The following GRM1 variants were observed in gnomAD, a reference collection of about 807,000 sequenced individuals.
The protein encoded by GRM1 is metabotropic glutamate receptor 1.
In GRM1, 33 loss-of-function variants were observed where a neutral mutation model predicts 90.9. The ratio of observed to expected loss-of-function variants is 0.36; its 90% CI spans 0.28 to 0.49. The LOEUF (loss-of-function observed/expected upper bound fraction) is 0.49, where lower values mean the gene tolerates loss of function less well. GRM1 is among the 20% of genes least tolerant of loss of function. The probability of loss-of-function intolerance (pLI) is 0.99; values close to 1 mark genes in which losing one functional copy is unlikely to be tolerated. For missense variants in GRM1, 1,190 were observed against 1,534.3 expected (o/e 0.78, Z 3.75); for synonymous variants, 700 against 613.2 (o/e 1.14, Z -2.09).
chr6:146,234,845 C>T (rs1486322021), intron 2 of GRM1, among the ~76,000 whole-genome samples: 1 of 152,124 alleles, frequency 6.6e-6, no homozygotes, highest in Non-Finnish European at 1.5e-5. Flanking sequence ...CAGGCTCAAG[C>T]AATTCTCATG....
At chr6:146,091,766 G>T (rs1217935358) in intron 1 of GRM1, among the ~76,000 whole-genome samples, 1 of 152,058 alleles carries the variant, frequency 6.6e-6, no homozygotes, top group South Asian at 2.1e-4. Flanking sequence ...TCTATCTGAA[G>T]AATTGTGAAA....
intron 1 of GRM1, among the ~76,000 whole-genome samples, chr6:146,141,586 G>A (rs191187207): frequency 1.3e-5 from 2 of 151,846 alleles, no homozygotes; most frequent in East Asian, 3.9e-4. Context: ...TTATTTGTTT[G>A]TCTCCTCTGA....
intron 4 of GRM1, among the ~76,000 whole-genome samples, chr6:146,355,140 T>C (rs917715314): frequency 6.6e-6 from 1 of 152,166 alleles, no homozygotes; most frequent in Non-Finnish European, 1.5e-5. Flanking sequence ...TAATGTAATC[T>C]GAAATAAAAC....
chr6:146,376,857 G>A (rs1304042996), intron 5 of GRM1, among the ~76,000 whole-genome samples: 1 of 152,106 alleles, frequency 6.6e-6, no homozygotes, highest in Non-Finnish European at 1.5e-5. Context: ...CATGTCATGG[G>A]AGGGACCAAG....
rs150435438 is a variant in GRM1 at position 146,363,745 on chromosome 6, T to C, written c.1602+6051T>C. On this transcript the variant is annotated intron_variant, in intron 5 of 7. Transcript: ENST00000282753. ...TCCTCAAGGAGAAAAACAACTTTAA[T>C]AATGTGATAGATGAAACTTGTATTC... 3.2e-4 allele frequency among the ~76,000 whole-genome samples: 48 copies of C among 152,358 alleles called. 1 individual carries two copies. The highest frequency in any genetic ancestry group is 5.9e-4 in the Non-Finnish European group (40 of 68,032).
intron 2 of GRM1, among the ~76,000 whole-genome samples, chr6:146,272,409 C>T (rs1471945395): frequency 6.6e-6 from 1 of 152,142 alleles, no homozygotes; most frequent in African/African-American, 2.4e-5. Flanking sequence ...AAACAGTTAT[C>T]CTTGAAACTG....
chr6:146,193,943 C>T (rs1032256384), intron 2 of GRM1, among the ~76,000 whole-genome samples: 2 of 148,294 alleles, frequency 1.3e-5, no homozygotes, highest in Admixed American at 6.6e-5. Flanking sequence ...TTATGAAATA[C>T]TGCCAGATTT....
intron 2 of GRM1, among the ~76,000 whole-genome samples, chr6:146,198,449 TG>T (rs1779195191): frequency 6.6e-6 from 1 of 151,926 alleles, no homozygotes; most frequent in South Asian, 2.1e-4. Flanking sequence ...CGGCTAGAGG[TG>T]GGGGAAAGTC....
chr6:146,216,981 A>G (rs1234636323), intron 2 of GRM1, among the ~76,000 whole-genome samples: 1 of 152,154 alleles, frequency 6.6e-6, no homozygotes, highest in African/African-American at 2.4e-5. Flanking sequence ...AATATTATGA[A>G]CAAAGATTAT....
chr6:146,030,453 A>G (rs1790665089), intron 1 of GRM1, among the ~76,000 whole-genome samples: 1 of 152,210 alleles, frequency 6.6e-6, no homozygotes, highest in African/African-American at 2.4e-5. Context: ...AGGGTATCAA[A>G]CTTTCCATGC....
intron 2 of GRM1, among the ~76,000 whole-genome samples, chr6:146,245,949 A>C (rs1469057896): frequency 2.0e-5 from 3 of 152,242 alleles, no homozygotes; most frequent in African/African-American, 7.2e-5. Flanking sequence ...TCAATAGCAT[A>C]ACTTGTCTCA....
At chr6:146,198,713 A>G (rs1286993998) in intron 2 of GRM1, among the ~76,000 whole-genome samples, 3 of 152,200 alleles carry the variant, frequency 2.0e-5, no homozygotes, top group African/African-American at 7.2e-5. Context: ...ACTTCAATTC[A>G]GACCTTATAT....
rs73578811 is a variant in GRM1 at position 146,079,360 on chromosome 6, G to C, written c.700+49143G>C. On this transcript the variant is annotated intron_variant, in intron 1 of 7. Transcript: ENST00000282753. ...TGAGGGGATAGGTGGGGATAAGAAGGCCATCTCCATTGAGTGCAAGAGAGG... is the reference window on the plus strand; with the variant it reads ...TGAGGGGATAGGTGGGGATAAGAAGCCCATCTCCATTGAGTGCAAGAGAGG... Among the ~76,000 whole-genome samples the C allele has an allele frequency of 9.9e-3, 1,511 of 152,236 alleles. 19 individuals carry two copies. The highest frequency in any genetic ancestry group is 0.035 in the African/African-American group (1,434 of 41,532).
intron 1 of GRM1, among the ~76,000 whole-genome samples, chr6:146,099,109 G>A (rs1048757125): frequency 6.6e-6 from 1 of 152,104 alleles, no homozygotes; most frequent in South Asian, 2.1e-4. Flanking sequence ...GTGTCGGTTG[G>A]GTGTGGAGGC....
chr6:146,355,256 G>A (rs1420528315), intron 4 of GRM1, among the ~76,000 whole-genome samples: 2 of 152,152 alleles, frequency 1.3e-5, no homozygotes, highest in Non-Finnish European at 2.9e-5. Flanking sequence ...GATATCAGAG[G>A]TGTAGATTAG....
chr6:146,134,116 A>G (rs1776516118), intron 1 of GRM1, among the ~76,000 whole-genome samples: 1 of 152,138 alleles, frequency 6.6e-6, no homozygotes, highest in African/African-American at 2.4e-5. Flanking sequence ...CCCGCTATAG[A>G]TGCCTACTCA....
Position 146,142,598 on chromosome 6 carries a change from C to T in GRM1, c.701-16750C>T, listed in dbSNP as rs1450501693. On this transcript the variant is annotated intron_variant, in intron 1 of 7. Transcript: ENST00000282753. ...GTAGTCTACACCAGCTGCGCTGGCA[C>T]TCAAGCCACAAGACAAAGTCTTTCC... Among the ~76,000 whole-genome samples the T allele has an allele frequency of 2.0e-5, 3 of 152,038 alleles. No individual in the cohort carries two copies. The East Asian group carries it at 5.8e-4, about 30-fold the overall frequency.
chr6:146,302,103 G>A (rs1288655122), intron 2 of GRM1, among the ~76,000 whole-genome samples: 2 of 151,778 alleles, frequency 1.3e-5, no homozygotes, highest in Admixed American at 6.6e-5. Context: ...CTCTTTCTAA[G>A]TTCCTTGAAT....
At chr6:146,140,089 T>TTTTCTTTCTTTCTTTCTTTC (rs1412796494) in intron 1 of GRM1, among the ~76,000 whole-genome samples, 1 of 64,168 alleles carries the variant, frequency 1.6e-5, no homozygotes, top group African/African-American at 5.5e-5. Flanking sequence ...TTTCTTTCTT[T>TTTTCTTTCTTTCTTTCTTTC]ATTCTTTCTT....
Sources: gnomAD v4.1 joint callset for allele counts (sites outside exome capture counted in the v4.1 genomes callset) on GRCh38, gnomAD v4.1.1 for gene constraint, MANE v1.5 for transcripts, NCBI Gene and HGNC (gene_info 2026-07-23, HGNC 2026-07-21) for gene names.